Variants in FOXN4 observed in about 807,000 individuals in gnomAD.
FOXN4 encodes forkhead box N4.
A neutral mutation model predicts 45.0 loss-of-function variants in FOXN4; 12 were observed. The observed-to-expected ratio is 0.27, with a 90% CI of 0.17 to 0.43. The LOEUF (loss-of-function observed/expected upper bound fraction) is 0.43. Ranked by LOEUF, FOXN4 falls within the 20% of genes least tolerant of loss-of-function variation. FOXN4 has a pLI of 1.00. For missense variants in FOXN4, 560 were observed against 694.9 expected (o/e 0.81, Z 2.18); for synonymous variants, 297 against 295.0 (o/e 1.01, Z -0.07).
At chr12:109,292,119 A>G (rs1593778091) in intron 2 of FOXN4, among the ~76,000 whole-genome samples, 2 of 151,426 alleles carry the variant, frequency 1.3e-5, no homozygotes, top group African/African-American at 4.9e-5. Flanking sequence ...GCCAGTCCTC[A>G]CCCTCCCTTC....
rs553818424 is a variant in FOXN4, at chr12:109,298,723, C to T, written c.87-8437G>A. On this transcript the variant is annotated intron_variant, in intron 2 of 9. Transcript: ENST00000299162. ...TTTGTGGGAGAAACCTGCAGGTGAACCCCCTGGGAGCATTTCCAAAGTTCC... is the reference window on the plus strand; with the variant it reads ...TTTGTGGGAGAAACCTGCAGGTGAATCCCCTGGGAGCATTTCCAAAGTTCC... Among the ~76,000 whole-genome samples the T allele has an allele frequency of 6.8e-4, 104 of 152,238 alleles. 2 individuals carry two copies. The highest frequency in any genetic ancestry group is 2.4e-3 in the African/African-American group (101 of 41,516).
chr12:109,285,189 G>T, intron 8 of FOXN4, 115 bp downstream of exon 8: 1 of 1,284,462 alleles, frequency 7.8e-7, no homozygotes, highest in African/African-American at 1.5e-5. Context: ...CGTATGCATC[G>T]GCTTCACCAG....
chr12:109,298,661 C>A (rs2047841566), intron 2 of FOXN4, among the ~76,000 whole-genome samples: 1 of 152,194 alleles, frequency 6.6e-6, no homozygotes, highest in African/African-American at 2.4e-5. Context: ...CCACGCCCAG[C>A]CCTTCTAAGG....
intron 2 of FOXN4, among the ~76,000 whole-genome samples, chr12:109,302,690 G>A (rs141590664): frequency 1.4e-4 from 21 of 152,194 alleles, no homozygotes; most frequent in African/African-American, 4.8e-4. Flanking sequence ...TCTCCTCTGC[G>A]TTGTCATTTA....
chr12:109,287,787 C>A lies in FOXN4; in HGVS notation c.468+57G>T, dbSNP rs2047728289. On this transcript the variant is annotated intron_variant, in intron 5 of 9. Coordinates refer to ENST00000299162, the MANE Select transcript of FOXN4 (RefSeq NM_213596.3). This position sits in a 1 kb window ranked among gnomAD's most constrained non-coding sequence, Gnocchi z 4.1. ...AACTGAGGCTCAGAGGGGTCCCCGG[C>A]CAGCCCAAGGCAGGGTGTCTGCTGC... is the stretch of plus-strand genomic sequence containing the variant. The A allele has an allele frequency of 3.4e-6, 5 of 1,466,232 alleles. No individual in the cohort carries two copies. The highest frequency in any genetic ancestry group is 4.5e-6 in the Non-Finnish European group (5 of 1,102,920). The allele number at this position is 1,466,232 out of a possible 1,614,324, so 90.8% of individuals were successfully genotyped here. A position where few individuals can be genotyped will look rare whatever the true frequency, so the allele number is the denominator to read the frequency against.
chr12:109,302,741 T>C (rs1212143877), intron 2 of FOXN4, among the ~76,000 whole-genome samples: 1 of 152,106 alleles, frequency 6.6e-6, no homozygotes, highest in Admixed American at 6.5e-5. Context: ...GGGTGGGGGT[T>C]AGATCACCAT....
At chr12:109,296,461 G>T (rs906354342) in intron 2 of FOXN4, among the ~76,000 whole-genome samples, 3 of 152,124 alleles carry the variant, frequency 2.0e-5, no homozygotes, top group Non-Finnish European at 4.4e-5. Context: ...GCACCTTTCA[G>T]TGTCTCCCCA....
chr12:109,284,660 G>A (rs964325526), intron 8 of FOXN4, among the ~76,000 whole-genome samples: 4 of 151,078 alleles, frequency 2.6e-5, no homozygotes, highest in African/African-American at 7.3e-5. Flanking sequence ...CCTCTTCCAC[G>A]TGTGTGTGCG....
chr12:109,287,476 A>G lies in FOXN4; in HGVS notation c.517T>C (p.Tyr173His). 1 of 1,550,192 alleles carries G rather than the reference A, an allele frequency of 6.5e-7. No individual in the cohort carries two copies. The highest frequency in any genetic ancestry group is 1.4e-5 in the African/African-American group (1 of 73,136). The change falls in exon 6 of 10, where the codon TAC (tyrosine) becomes CAC (histidine). Residue 173 changes from tyrosine (Y) to histidine (H), a missense_variant. Physicochemically the swap from Tyr to His is moderately conservative, Grantham distance 83. Coordinates refer to ENST00000299162, the MANE Select transcript of FOXN4 (RefSeq NM_213596.3). This position sits in a 1 kb window ranked among gnomAD's most constrained non-coding sequence, Gnocchi z 4.1. Reference sequence around the variant, plus strand: ...TGCACAGCCACGTGGGGCTGGGGGTAGGGGGGCCGCACCCCAAATGGGGGG... The same window carrying G: ...TGCACAGCCACGTGGGGCTGGGGGTGGGGGGGCCGCACCCCAAATGGGGGG... ...YGPPFGVRPP[Y>H]PQPHVAVHSS... is the part of the protein sequence containing the mutation.
intron 2 of FOXN4, among the ~76,000 whole-genome samples, chr12:109,299,310 GACAC>G (rs753262771): frequency 1.3e-5 from 2 of 152,032 alleles, no homozygotes; most frequent in Non-Finnish European, 2.9e-5. Flanking sequence ...TATGCACACA[GACAC>G]ACACACGCAC....
At position 109,281,804 on chromosome 12, in the gene FOXN4, A is replaced by G; in HGVS notation, c.902-5T>C. On this transcript the variant is annotated splice_polypyrimidine_tract_variant and splice_region_variant and intron_variant, in intron 8 of 9. Coordinates refer to ENST00000299162, the MANE Select transcript of FOXN4 (RefSeq NM_213596.3). Reference sequence around the variant, plus strand: ...AGATCAGCTTGTCCAACTCCTCTGCAGGCAAGTGGGAGAGGTCACTCAGAA... The same window carrying G: ...AGATCAGCTTGTCCAACTCCTCTGCGGGCAAGTGGGAGAGGTCACTCAGAA... 1 of 1,561,606 alleles carries G rather than the reference A, an allele frequency of 6.4e-7. No homozygotes were observed. The highest frequency in any genetic ancestry group is 8.6e-7 in the Non-Finnish European group (1 of 1,157,460).
intron 2 of FOXN4, among the ~76,000 whole-genome samples, chr12:109,303,311 G>A (rs1350622305): frequency 2.0e-5 from 3 of 152,218 alleles, no homozygotes; most frequent in Admixed American, 6.5e-5. Context: ...CCCTTCCAAG[G>A]AGATCACAAC....
Position 109,287,778 on chromosome 12 carries a change from G to C in FOXN4, c.468+66C>G, listed in dbSNP as rs2047728121. 1.4e-6 allele frequency: 2 copies of C among 1,423,466 alleles called. No homozygotes were observed. Among genetic ancestry groups the C allele is most frequent in the Admixed American group, 5.4e-5 (2 of 37,340 alleles). 88.2% of individuals were successfully genotyped at this position (1,423,466 alleles called of 1,614,324 possible). On this transcript the variant is annotated intron_variant, in intron 5 of 9. Coordinates refer to ENST00000299162, the MANE Select transcript of FOXN4 (RefSeq NM_213596.3). This position sits in a 1 kb window ranked among gnomAD's most constrained non-coding sequence, Gnocchi z 4.1. ...GGGTGAGTAAACTGAGGCTCAGAGGGGTCCCCGGCCAGCCCAAGGCAGGGT... is the reference window on the plus strand; with the variant it reads ...GGGTGAGTAAACTGAGGCTCAGAGGCGTCCCCGGCCAGCCCAAGGCAGGGT...
Position 109,308,224 on chromosome 12 carries a change from T to C in FOXN4, c.86+12A>G. 6.5e-7 allele frequency: 1 copy of C among 1,539,788 alleles called. No individual in the cohort carries two copies. The highest frequency in any genetic ancestry group is 8.8e-7 in the Non-Finnish European group (1 of 1,139,730). On this transcript the variant is annotated intron_variant, in intron 2 of 9. Coordinates refer to ENST00000299162, the MANE Select transcript of FOXN4 (RefSeq NM_213596.3). ...TAAAAAATATATAGTTTGTTATTGT[T>C]GGAGCCCTCACCTGTATTCCTGTGG...
intron 2 of FOXN4, among the ~76,000 whole-genome samples, chr12:109,299,206 T>C (rs996611203): frequency 3.9e-5 from 6 of 152,126 alleles, no homozygotes; most frequent in African/African-American, 9.7e-5. Flanking sequence ...CTGAATTCAA[T>C]AGTTCACCAG....
intron 2 of FOXN4, among the ~76,000 whole-genome samples, chr12:109,299,774 T>G (rs2047853007): frequency 6.6e-6 from 1 of 152,240 alleles, no homozygotes; most frequent in Non-Finnish European, 1.5e-5. Flanking sequence ...GTGTAATCCA[T>G]TTCCCAAGTA....
rs905641292 is a variant in FOXN4 at position 109,290,587 on chromosome 12, C to A, written c.87-301G>T. Among the ~76,000 whole-genome samples the A allele has an allele frequency of 1.3e-5, 2 of 152,216 alleles. No individual in the cohort carries two copies. Among genetic ancestry groups the A allele is most frequent in the Non-Finnish European group, 2.9e-5 (2 of 68,036 alleles). ...GACTTGACCAGTGCCAGACACCGAT[C>A]AAGCCTTTTTACACTCCCAGTCACC... On this transcript the variant is annotated intron_variant, in intron 2 of 9. Coordinates refer to ENST00000299162, the MANE Select transcript of FOXN4 (RefSeq NM_213596.3). The surrounding 1 kb of genome is among the most constrained non-coding windows in gnomAD (Gnocchi z 5.1).
Position 109,291,916 on chromosome 12 carries a change from G to GC in FOXN4, c.87-1631dup, listed in dbSNP as rs1387410081. ...GGGTCTCAGTGCAATTGTTTCTGCAGCCCCCCGGCTGCCACCCCTCCGGCC... is the reference window on the plus strand; with the variant it reads ...GGGTCTCAGTGCAATTGTTTCTGCAGCCCCCCCGGCTGCCACCCCTCCGGCC... On this transcript the variant is annotated intron_variant, in intron 2 of 9. Transcript: ENST00000299162. This position sits in a 1 kb window ranked among gnomAD's most constrained non-coding sequence, Gnocchi z 6.6. Among the ~76,000 whole-genome samples, 6 of 152,086 alleles carry GC rather than the reference G, an allele frequency of 3.9e-5. No homozygotes were observed. The highest frequency in any genetic ancestry group is 1.9e-4 in the East Asian group (1 of 5,144).
chr12:109,280,015 G>A (rs75265740), intron 9 of FOXN4, 85 bp from the exon 10 acceptor site: 88,759 of 1,554,062 alleles, frequency 0.057, 2,799 homozygotes, highest in African/African-American at 0.11. Flanking sequence ...AAGAGGCAGA[G>A]ACCATGTGTG....
Sources: allele counts gnomAD v4.1 joint callset (sites outside exome capture counted in the v4.1 genomes callset), GRCh38; gene constraint gnomAD v4.1.1; non-coding constraint Gnocchi (gnomAD v3.1); transcripts MANE v1.5; gene names NCBI Gene and HGNC (gene_info 2026-07-23, HGNC 2026-07-21).